The following LRMDA variants were observed in gnomAD, a reference collection of about 807,000 sequenced individuals.
LRMDA encodes the protein leucine rich melanocyte differentiation associated.
Under a neutral mutation model 29.8 loss-of-function variants are expected in LRMDA, and 18 were observed. The observed-to-expected ratio is 0.60, with a 90% CI of 0.42 to 0.90. The LOEUF (loss-of-function observed/expected upper bound fraction) is 0.90, where lower values mean the gene tolerates loss of function less well. Ranked by LOEUF, LRMDA falls within the 40% of genes least tolerant of loss-of-function variation. LRMDA has a pLI of 0.00. For missense variants in LRMDA, 273 were observed against 273.9 expected, an observed-to-expected ratio of 1.00 and a Z score of 0.02; for synonymous variants, 125 against 109.4, an observed-to-expected ratio of 1.14 and a Z score of -0.89.
At chr10:76,353,967 G>A (rs1362513087) in intron 6 of LRMDA, among the ~76,000 whole-genome samples, 1 of 152,078 alleles carries the variant, frequency 6.6e-6, no homozygotes, top group Admixed American at 6.6e-5. Flanking sequence ...ATGCTGTTCT[G>A]TATTTTGAGT....
At chr10:75,708,873 T>C (rs1260763361) in intron 2 of LRMDA, among the ~76,000 whole-genome samples, 2 of 152,228 alleles carry the variant, frequency 1.3e-5, no homozygotes, top group African/African-American at 4.8e-5. Flanking sequence ...TTTGCGAGGC[T>C]TGACCATATG....
intron 2 of LRMDA, among the ~76,000 whole-genome samples, chr10:75,781,065 T>A (rs1843376347): frequency 6.6e-6 from 1 of 152,210 alleles, no homozygotes; most frequent in African/African-American, 2.4e-5. Context: ...CCACTCTTCC[T>A]TTTCCACCTT....
chr10:75,462,161 A>G (rs1368636206), intron 2 of LRMDA, among the ~76,000 whole-genome samples: 2 of 152,230 alleles, frequency 1.3e-5, no homozygotes, highest in African/African-American at 2.4e-5. Context: ...AAAACCTTGT[A>G]TGGCCTGTCA....
intron 2 of LRMDA, among the ~76,000 whole-genome samples, chr10:75,737,475 T>C (rs1251069452): frequency 6.6e-6 from 1 of 152,188 alleles, no homozygotes; most frequent in African/African-American, 2.4e-5. Context: ...TGTGGGCAGG[T>C]TGCAGTACCA....
chr10:76,163,294 A>G (rs1395247903), intron 5 of LRMDA, among the ~76,000 whole-genome samples: 1 of 152,188 alleles, frequency 6.6e-6, no homozygotes, highest in Admixed American at 6.6e-5. Flanking sequence ...AAGCTCATTT[A>G]TCTTTAGGGA....
At chr10:75,491,357 G>A (rs1844984934) in intron 2 of LRMDA, among the ~76,000 whole-genome samples, 1 of 152,206 alleles carries the variant, frequency 6.6e-6, no homozygotes, top group Non-Finnish European at 1.5e-5. Flanking sequence ...TTGTGGGGGA[G>A]AGGTAATCCT....
intron 5 of LRMDA, among the ~76,000 whole-genome samples, chr10:76,200,406 T>C (rs1851404829): frequency 6.6e-6 from 1 of 152,234 alleles, no homozygotes; most frequent in African/African-American, 2.4e-5. Flanking sequence ...GCCTTTCATG[T>C]CTACTTTTTG....
chr10:76,155,259 C>T (rs959810071), intron 5 of LRMDA, among the ~76,000 whole-genome samples: 16 of 152,184 alleles, frequency 1.1e-4, no homozygotes, highest in Non-Finnish European at 1.8e-4. Flanking sequence ...GTATTCCAGA[C>T]ATCCATGAAC....
intron 2 of LRMDA, among the ~76,000 whole-genome samples, chr10:75,594,134 A>G (rs943589726): frequency 1.3e-5 from 2 of 152,218 alleles, no homozygotes; most frequent in African/African-American, 2.4e-5. Flanking sequence ...CCGAAAATGT[A>G]GCATCAGGGT....
chr10:76,191,209 A>C lies in LRMDA; in HGVS notation c.516+132426A>C, dbSNP rs567733911. The stretch of plus-strand genomic sequence containing the variant: ...TTCTGTCAGAGCTGTAATGGCGGTA[A>C]GATGGGGTGCACTGATAAATACAAA... On this transcript the variant is annotated intron_variant, in intron 5 of 6. Coordinates refer to ENST00000611255, the MANE Select transcript of LRMDA (RefSeq NM_001305581.2). 1.6e-4 allele frequency among the ~76,000 whole-genome samples: 24 copies of C among 152,310 alleles called. No individual in the cohort carries two copies. In the East Asian group the frequency reaches 4.6e-3, roughly 29 times the overall value.
intron 6 of LRMDA, among the ~76,000 whole-genome samples, chr10:76,547,512 T>C (rs1293308583): frequency 6.6e-6 from 1 of 152,190 alleles, no homozygotes; most frequent in Non-Finnish European, 1.5e-5. Flanking sequence ...TATTTATTTA[T>C]TTATTTTAAG....
intron 6 of LRMDA, among the ~76,000 whole-genome samples, chr10:76,443,101 G>T (rs117797245): frequency 0.016 from 2,457 of 152,248 alleles, 63 homozygotes; most frequent in South Asian, 0.1. Flanking sequence ...TTCATTCCTA[G>T]CACAGTGTTT....
At chr10:75,523,498 A>G (rs1397021436) in intron 2 of LRMDA, among the ~76,000 whole-genome samples, 1 of 152,232 alleles carries the variant, frequency 6.6e-6, no homozygotes, top group Non-Finnish European at 1.5e-5. Context: ...AGAAGATTCT[A>G]CTGCATTCAC....
At chr10:75,614,597 C>A (rs1232380578) in intron 2 of LRMDA, among the ~76,000 whole-genome samples, 14 of 152,208 alleles carry the variant, frequency 9.2e-5, no homozygotes, top group Admixed American at 9.2e-4. Context: ...CCCAGCCCAA[C>A]TTCCTTTCCT....
intron 6 of LRMDA, among the ~76,000 whole-genome samples, chr10:76,454,405 A>C (rs1032360596): frequency 6.6e-6 from 1 of 152,138 alleles, no homozygotes; most frequent in Non-Finnish European, 1.5e-5. Context: ...CTAAAAAGGC[A>C]GATTTTGGTC....
intron 5 of LRMDA, among the ~76,000 whole-genome samples, chr10:76,183,682 T>G (rs1313678970): frequency 6.6e-6 from 1 of 152,148 alleles, no homozygotes; most frequent in Non-Finnish European, 1.5e-5. Context: ...CTTGTGAAAA[T>G]TTCATTTGAA....
chr10:76,001,696 A>G (rs1279562392), intron 2 of LRMDA, among the ~76,000 whole-genome samples: 1 of 151,930 alleles, frequency 6.6e-6, no homozygotes, highest in East Asian at 1.9e-4. Context: ...TTTATTTCAC[A>G]TTTTAGAGCC....
intron 6 of LRMDA, among the ~76,000 whole-genome samples, chr10:76,330,034 G>A (rs1840885720): frequency 6.6e-6 from 1 of 152,148 alleles, no homozygotes; most frequent in African/African-American, 2.4e-5. Flanking sequence ...GGGAGATGTT[G>A]GCCAGAAAAA....
intron 2 of LRMDA, among the ~76,000 whole-genome samples, chr10:75,780,079 G>A (rs1302037961): frequency 6.6e-6 from 1 of 152,148 alleles, no homozygotes; most frequent in Non-Finnish European, 1.5e-5. Flanking sequence ...GGTTAAGCCG[G>A]AGCCACCAGG....
Sources: allele counts gnomAD v4.1 joint callset (sites outside exome capture counted in the v4.1 genomes callset), GRCh38; gene constraint gnomAD v4.1.1; transcripts MANE v1.5; gene names NCBI Gene and HGNC (gene_info 2026-07-23, HGNC 2026-07-21).